The following TEKT4 variants were observed in gnomAD, a reference collection of about 807,000 sequenced individuals.
TEKT4 encodes the protein tektin-4.
TEKT4 carries 46 observed loss-of-function variants against 46.0 expected under a neutral mutation model. The ratio of observed to expected loss-of-function variants is 1.00; its 90% CI spans 0.79 to 1.28. The LOEUF (loss-of-function observed/expected upper bound fraction) is 1.28. TEKT4 is among the 50% of genes most tolerant of loss of function. The pLI is 0.00. For synonymous variants in TEKT4, 325 were observed against 265.8 expected (o/e 1.22, Z -2.17); for missense variants, 790 against 622.9 (o/e 1.27, Z -2.85).
At chr2:94,872,113 G>A (rs782730743) in intron 1 of TEKT4, 36 bp downstream of exon 1, 25 of 1,486,220 alleles carry the variant, frequency 1.7e-5, no homozygotes, top group South Asian at 2.6e-5. Flanking sequence ...ATTTGTGGGC[G>A]CAGAGAGGAG....
intron 1 of TEKT4, chr2:94,872,680 C>T (rs1553395005): frequency 2.0e-5 from 11 of 548,302 alleles, no homozygotes; most frequent in South Asian, 1.8e-4. Context: ...CTGAGAACCA[C>T]TACAGGCCTG....
intron 1 of TEKT4, 127 bp downstream of exon 1, chr2:94,872,204 ACC>A (rs752437015): frequency 7.9e-7 from 1 of 1,273,320 alleles, no homozygotes; most frequent in Non-Finnish European, 1.0e-6. Flanking sequence ...TGCACGTGAG[ACC>A]CCTGAGTCCC....
chr2:94,874,573 G>GA (rs1256783096), intron 3 of TEKT4, among the ~76,000 whole-genome samples: 4 of 151,790 alleles, frequency 2.6e-5, no homozygotes, highest in Non-Finnish European at 5.9e-5. Context: ...AGGGTGTGGG[G>GA]GGACTCAGAG....
At chr2:94,876,125 A>G (rs1553396455) in intron 5 of TEKT4, among the ~76,000 whole-genome samples, 2 of 152,184 alleles carry the variant, frequency 1.3e-5, no homozygotes, top group Non-Finnish European at 2.9e-5. Flanking sequence ...GGTGGGAAGT[A>G]TGACCTACGC....
At chr2:94,873,679 C>A in intron 2 of TEKT4, 89 bp downstream of exon 2, 1 of 1,535,604 alleles carries the variant, frequency 6.5e-7, no homozygotes, top group South Asian at 1.2e-5. Context: ...CCCTGAGACT[C>A]AGAGCCAGCA....
In TEKT4 at chr2:94,872,045, G is replaced by C. The variant is rs200310416; in HGVS notation, c.466G>C (p.Val156Leu). ...CRERREHPNL[V>L]RDHVETELLK... Reference sequence around the variant, plus strand: ...TGAGCGCCGCGAGCACCCCAACCTCGTGCGCGACCATGTGGAAACGGAGCT... The same window carrying C: ...TGAGCGCCGCGAGCACCCCAACCTCCTGCGCGACCATGTGGAAACGGAGCT... Residue 156 changes from valine (V) to leucine (L), a missense_variant, in exon 1 of 6, where the codon GTG becomes CTG. Coordinates refer to ENST00000295201, the MANE Select transcript of TEKT4 (RefSeq NM_144705.4). 6 of 1,554,944 alleles carry C rather than the reference G, an allele frequency of 3.9e-6. No individual in the cohort carries two copies. The African/African-American group carries it at 8.2e-5, about 21-fold the overall frequency.
chr2:94,873,743 G>A (rs1330150545), intron 2 of TEKT4, among the ~76,000 whole-genome samples, 153 bp downstream of exon 2: 4 of 152,192 alleles, frequency 2.6e-5, no homozygotes, highest in Admixed American at 6.5e-5. Context: ...AGGTTCCGGC[G>A]CAGCCTGAGG....
chr2:94,874,385 GC>G (rs1283000529), intron 3 of TEKT4, among the ~76,000 whole-genome samples: 1 of 152,138 alleles, frequency 6.6e-6, no homozygotes, highest in African/African-American at 2.4e-5. Flanking sequence ...AGCAGAGGGA[GC>G]CTGACCACCG....
In TEKT4 at chr2:94,872,028, G is replaced by A. The variant is rs781885101; in HGVS notation, c.449G>A (p.Arg150His). 1.4e-5 allele frequency: 22 copies of A among 1,569,108 alleles called. 1 individual carries two copies. Among genetic ancestry groups the A allele is most frequent in the Middle Eastern group, 1.7e-4 (1 of 6,002 alleles). Residue 150 changes from arginine (R) to histidine (H), a missense_variant, in exon 1 of 6, where the codon CGC (arginine) becomes CAC (histidine). Transcript: ENST00000295201. Reference sequence around the variant, plus strand: ...GACAACCTGCAGTGCCGTGAGCGCCGCGAGCACCCCAACCTCGTGCGCGAC... The same window carrying A: ...GACAACCTGCAGTGCCGTGAGCGCCACGAGCACCCCAACCTCGTGCGCGAC... ...TTDNLQCRER[R>H]EHPNLVRDHV...
intron 2 of TEKT4, 76 bp downstream of exon 2, chr2:94,873,666 G>A (rs1257437051): frequency 1.7e-5 from 27 of 1,578,170 alleles, no homozygotes; most frequent in Non-Finnish European, 2.2e-5. Context: ...TTGAACGACA[G>A]GACCCTGAGA....
intron 5 of TEKT4, among the ~76,000 whole-genome samples, chr2:94,876,253 G>A (rs184809214): frequency 6.6e-6 from 1 of 152,152 alleles, no homozygotes; most frequent in East Asian, 1.9e-4. Context: ...GGAACTGGGG[G>A]CCTCCTTCCA....
rs782330900 is a variant in TEKT4 at position 94,876,785 on chromosome 2, T to C, written c.*16T>C. The stretch of plus-strand genomic sequence containing the variant: ...CTACCAGTGAGCAGCGGCACGGTGC[T>C]TCCCCCCAGTCCCCCAAATAAACAG... On this transcript the variant is annotated 3_prime_UTR_variant, in exon 6 of 6. Coordinates refer to ENST00000295201, the MANE Select transcript of TEKT4 (RefSeq NM_144705.4). The C allele has an allele frequency of 3.1e-6, 5 of 1,600,036 alleles. No individual in the cohort carries two copies. In the South Asian group the frequency reaches 4.4e-5, roughly 14 times the overall value.
rs1553394694 is a variant in TEKT4, at chr2:94,871,957, G to A, written c.378G>A (p.Leu126=). ...TGCTCCTGGCCCAGAAGCAACGGCT[G>A]GAGCGCGCCCTGGACGCCACAGAGG... ...TNLLLAQKQR[L]ERALDATEVP... is the part of the protein sequence containing the mutation. The change falls in exon 1 of 6, where the codon CTG becomes CTA. Residue 126 remains leucine (L), a synonymous_variant. Coordinates refer to ENST00000295201, the MANE Select transcript of TEKT4 (RefSeq NM_144705.4). 1.2e-6 allele frequency: 2 copies of A among 1,602,206 alleles called. No homozygotes were observed. Among genetic ancestry groups the A allele is most frequent in the South Asian group, 2.2e-5 (2 of 89,906 alleles).
intron 5 of TEKT4, 109 bp from the exon 6 acceptor site, chr2:94,876,443 TC>T: frequency 2.2e-6 from 2 of 900,614 alleles, no homozygotes; most frequent in Non-Finnish European, 3.4e-6. Flanking sequence ...CATGGAGTCT[TC>T]CCAGGACCTC....
At position 94,876,677 on chromosome 2, in the gene TEKT4, G is replaced by T. The variant is rs782309098; in HGVS notation, c.1216G>T (p.Ala406Ser). Residue 406 changes from alanine to serine, a missense_variant, in exon 6 of 6, where the codon GCC becomes TCC. Ala to Ser is a moderately conservative substitution (Grantham distance 99). Transcript: ENST00000295201. ...CATGAGCCTGGAGAAGGACATTGCC[G>T]CCATGACCAACAGTCTCTTCATCGA... ...IHMSLEKDIA[A>S]MTNSLFIDRQ... 1.2e-6 allele frequency: 2 copies of T among 1,613,288 alleles called. No homozygotes were observed. Among genetic ancestry groups the T allele is most frequent in the South Asian group, 1.1e-5 (1 of 91,064 alleles).
chr2:94,873,822 C>T, intron 2 of TEKT4, 143 bp from the exon 3 acceptor site: 1 of 1,287,044 alleles, frequency 7.8e-7, no homozygotes, highest in Non-Finnish European at 1.1e-6. Flanking sequence ...CTCCTGGTCA[C>T]TGCTGAGCAC....
chr2:94,872,805 A>C (rs1553395047), intron 1 of TEKT4: 1 of 1,288,132 alleles, frequency 7.8e-7, no homozygotes, highest in African/African-American at 1.5e-5. Flanking sequence ...TCCCTTCTTT[A>C]CCCTTCTGCA....
At chr2:94,876,407 G>T (rs1553396560) in intron 5 of TEKT4, 146 bp from the exon 6 acceptor site, 17 of 674,116 alleles carry the variant, frequency 2.5e-5, no homozygotes, top group Non-Finnish European at 4.0e-5. Context: ...CTCTGCCCTA[G>T]AGCTGCTTTC....
intron 1 of TEKT4, 55 bp downstream of exon 1, chr2:94,872,132 C>G (rs1680602314): frequency 2.0e-6 from 3 of 1,475,784 alleles, no homozygotes; most frequent in African/African-American, 2.8e-5. Context: ...AGGAGCCCCC[C>G]CCCCCGCAGT....
Sources: gnomAD v4.1 joint callset for allele counts (sites outside exome capture counted in the v4.1 genomes callset) on GRCh38, gnomAD v4.1.1 for gene constraint, MANE v1.5 for transcripts, NCBI Gene and HGNC (gene_info 2026-07-23, HGNC 2026-07-21) for gene names.